Variants in CACNA1E observed in about 807,000 individuals in gnomAD.
The protein encoded by CACNA1E is calcium voltage-gated channel subunit alpha1 E.
CACNA1E carries 40 observed loss-of-function variants against 259.2 expected under a neutral mutation model. That is an observed-to-expected ratio of 0.15 (90% CI 0.12 to 0.20). The LOEUF is 0.20. Among genes scored for constraint, CACNA1E ranks in the 10% least tolerant of loss-of-function variants. The pLI, the probability that CACNA1E is intolerant of heterozygous loss-of-function variation, is 1.00. For missense variants in CACNA1E, 1,874 were observed against 3,040.1 expected (o/e 0.62, Z 9.02); for synonymous variants, 1,104 against 1,138.5 (o/e 0.97, Z 0.61).
intron 1 of CACNA1E, among the ~76,000 whole-genome samples, chr1:181,343,237 G>A (rs1438850505): frequency 1.3e-5 from 2 of 152,160 alleles, no homozygotes; most frequent in African/African-American, 4.8e-5. Flanking sequence ...TCAAGTTTGA[G>A]AGGCTGATAT....
chr1:181,420,166 G>A (rs59294677), intron 2 of CACNA1E, among the ~76,000 whole-genome samples: 7,969 of 152,030 alleles, frequency 0.052, 653 homozygotes, highest in African/African-American at 0.18. Context: ...CCTAGACACT[G>A]AGTCAGGACC....
intron 25 of CACNA1E, among the ~76,000 whole-genome samples, chr1:181,749,964 G>A (rs536578590): frequency 9.8e-5 from 15 of 152,324 alleles, no homozygotes; most frequent in East Asian, 7.7e-4. Flanking sequence ...GAGTGGTTGC[G>A]TGTCCCTCTT....
At chr1:181,346,446 C>G (rs968895409) in intron 1 of CACNA1E, among the ~76,000 whole-genome samples, 2 of 152,158 alleles carry the variant, frequency 1.3e-5, no homozygotes, top group Non-Finnish European at 2.9e-5. Flanking sequence ...AGTGGGCAGC[C>G]CCCAGTGGAA....
intron 1 of CACNA1E, among the ~76,000 whole-genome samples, chr1:181,374,051 G>A (rs1557951662): frequency 6.6e-6 from 1 of 152,038 alleles, no homozygotes; most frequent in Non-Finnish European, 1.5e-5. Context: ...TGTCTTTGGG[G>A]TTGGTTTGCT....
At chr1:181,441,714 T>C (rs1660489227) in intron 2 of CACNA1E, among the ~76,000 whole-genome samples, 1 of 152,192 alleles carries the variant, frequency 6.6e-6, no homozygotes, top group Non-Finnish European at 1.5e-5. Flanking sequence ...CGCCTCTGCT[T>C]TTCTCTTCCT....
intron 7 of CACNA1E, among the ~76,000 whole-genome samples, chr1:181,702,508 A>G (rs753104767): frequency 3.9e-4 from 60 of 152,138 alleles, no homozygotes; most frequent in Non-Finnish European, 7.8e-4. Flanking sequence ...TCGTTTCCCA[A>G]TGACACCAAG....
rs190092579 is a variant in CACNA1E at position 181,807,980 on chromosome 1, G to C, written c.*9146G>C. The C allele has an allele frequency of 2.2e-4, 34 of 152,248 alleles. No individual in the cohort carries two copies. In the East Asian group the frequency reaches 6.6e-3, roughly 29 times the overall value. 9.4% of individuals were successfully genotyped at this position (152,248 alleles called of 1,614,324 possible). A position where few individuals can be genotyped will look rare whatever the true frequency, so the allele number is the denominator to read the frequency against. On this transcript the variant is annotated 3_prime_UTR_variant, in exon 48 of 48. Transcript: ENST00000367573. ...GGTTGGTTTGTAAGCCATTTACATG[G>C]ATTGATGATTTCTGTTCTTGTTTTC...
chr1:181,423,122 C>T (rs144638619), intron 2 of CACNA1E, among the ~76,000 whole-genome samples: 15 of 152,326 alleles, frequency 9.8e-5, no homozygotes, highest in African/African-American at 3.4e-4. Context: ...TCATCAGCCT[C>T]ATCCCTACAA....
chr1:181,463,166 T>G (rs969161558), intron 2 of CACNA1E, among the ~76,000 whole-genome samples: 1 of 152,280 alleles, frequency 6.6e-6, no homozygotes, highest in African/African-American at 2.4e-5. Flanking sequence ...TACACATACA[T>G]ACCTATGATA....
At chr1:181,372,731 C>T (rs10910926) in intron 1 of CACNA1E, among the ~76,000 whole-genome samples, 43,382 of 151,420 alleles carry the variant, frequency 0.29, 6,256 homozygotes, top group African/African-American at 0.32. Flanking sequence ...GCTGGTTTGT[C>T]ATGGGGGCTC....
At chr1:181,770,201 T>C (rs1002147449) in intron 35 of CACNA1E, among the ~76,000 whole-genome samples, 2 of 152,224 alleles carry the variant, frequency 1.3e-5, no homozygotes, top group African/African-American at 4.8e-5. Flanking sequence ...GCATGTTCAA[T>C]GCAGGCTGAA....
At chr1:181,482,128 G>GTGGGGAGA (rs1663310341), upstream of CACNA1E, among the ~76,000 whole-genome samples, 1 of 152,242 alleles carries the variant, frequency 6.6e-6, no homozygotes, top group Admixed American at 6.5e-5. Flanking sequence ...CAGGTGCTAA[G>GTGGGGAGA]TGGGGAGATG....
chr1:181,459,541 T>C (rs530601692), intron 2 of CACNA1E, among the ~76,000 whole-genome samples: 17 of 152,320 alleles, frequency 1.1e-4, no homozygotes, highest in Non-Finnish European at 2.2e-4. Context: ...ACACTGGAGC[T>C]ACTCCACCTG....
chr1:181,795,589 C>T (rs1449929977), intron 46 of CACNA1E, among the ~76,000 whole-genome samples: 1 of 151,452 alleles, frequency 6.6e-6, no homozygotes, highest in Non-Finnish European at 1.5e-5. Flanking sequence ...TACAGGCGCC[C>T]GCCACCGTGC....
intron 2 of CACNA1E, among the ~76,000 whole-genome samples, chr1:181,473,577 GC>G: frequency 6.7e-6 from 1 of 149,836 alleles, no homozygotes; most frequent in East Asian, 1.9e-4. Flanking sequence ...TGCCATTTTT[GC>G]ATGTAAGGAT....
chr1:181,618,112 C>T (rs1179353552), intron 6 of CACNA1E, among the ~76,000 whole-genome samples: 1 of 152,074 alleles, frequency 6.6e-6, no homozygotes, highest in African/African-American at 2.4e-5. Flanking sequence ...ACAGATGAAC[C>T]AACTATGAAT....
chr1:181,691,340 G>A lies in CACNA1E; in HGVS notation c.1056-19614G>A, dbSNP rs147431444. Among the ~76,000 whole-genome samples, 49 of 151,594 alleles carry A rather than the reference G, an allele frequency of 3.2e-4. No homozygotes were observed. The East Asian group carries it at 8.7e-3, about 27-fold the overall frequency. On this transcript the variant is annotated intron_variant, in intron 7 of 47. Transcript: ENST00000367573. ...GTACTACATTTTACATACATTTTCTGTTCTGCTATCTGCTCTGTCCTGTAA... is the reference window on the plus strand; with the variant it reads ...GTACTACATTTTACATACATTTTCTATTCTGCTATCTGCTCTGTCCTGTAA...
chr1:181,739,771 TAATATGTG>T, intron 25 of CACNA1E, among the ~76,000 whole-genome samples: 2 of 152,272 alleles, frequency 1.3e-5, no homozygotes, highest in South Asian at 4.1e-4. Context: ...ACAAACCTAA[TAATATGTG>T]TAATCTCCAA....
At chr1:181,541,015 A>T (rs1668541817) in intron 3 of CACNA1E, among the ~76,000 whole-genome samples, 1 of 152,240 alleles carries the variant, frequency 6.6e-6, no homozygotes, top group African/African-American at 2.4e-5. Flanking sequence ...GGTGAGTATA[A>T]CATGAATATT....
Sources: allele counts gnomAD v4.1 joint callset (sites outside exome capture counted in the v4.1 genomes callset), GRCh38; gene constraint gnomAD v4.1.1; transcripts MANE v1.5; gene names NCBI Gene and HGNC (gene_info 2026-07-23, HGNC 2026-07-21).